Variants in MROH9 observed in about 807,000 individuals in gnomAD.
MROH9 encodes maestro heat like repeat family member 9.
Under a neutral mutation model 98.2 loss-of-function variants are expected in MROH9, and 92 were observed. That is an observed-to-expected ratio of 0.94 (90% CI 0.79 to 1.11). MROH9 has a LOEUF of 1.11. Ranked by LOEUF, MROH9 falls within the 50% of genes most tolerant of loss-of-function variation. The probability of loss-of-function intolerance (pLI) is 0.00; values close to 1 mark genes in which losing one functional copy is unlikely to be tolerated. For synonymous variants in MROH9, 397 were observed against 368.9 expected (o/e 1.08, Z -0.87); for missense variants, 1,057 against 1,014.8 (o/e 1.04, Z -0.57).
intron 3 of MROH9, among the ~76,000 whole-genome samples, chr1:170,954,987 C>T (rs1019669071): frequency 2.6e-5 from 4 of 151,978 alleles, no homozygotes; most frequent in African/African-American, 7.2e-5. Context: ...TCCAAGTCCC[C>T]GAAGTCCATT....
intron 15 of MROH9, among the ~76,000 whole-genome samples, chr1:171,005,792 A>C (rs1651934493): frequency 6.6e-6 from 1 of 152,180 alleles, no homozygotes. Flanking sequence ...CCAGGACTTA[A>C]AGTACTAGGA....
chr1:170,992,476 A>C (rs767012203), intron 12 of MROH9, 147 bp downstream of exon 12: 37 of 796,682 alleles, frequency 4.6e-5, no homozygotes, highest in African/African-American at 7.0e-5. Context: ...TTGAGTGTCT[A>C]TTATTTGCTA....
intron 20 of MROH9, among the ~76,000 whole-genome samples, chr1:171,059,587 C>T (rs1484384709): frequency 6.6e-6 from 1 of 152,134 alleles, no homozygotes; most frequent in Non-Finnish European, 1.5e-5. Flanking sequence ...GACACATGCA[C>T]ACCTATGTCT....
At chr1:171,052,219 C>A (rs116659507) in intron 20 of MROH9, among the ~76,000 whole-genome samples, 2 of 152,104 alleles carry the variant, frequency 1.3e-5, no homozygotes, top group Non-Finnish European at 2.9e-5. Flanking sequence ...TGTATTCCTG[C>A]GGAATCAGTT....
Position 171,020,990 on chromosome 1 carries a change from T to C in MROH9, c.1909-3405T>C, listed in dbSNP as rs866053685. Among the ~76,000 whole-genome samples the C allele has an allele frequency of 5.3e-5, 8 of 152,248 alleles. No homozygotes were observed. In the South Asian group the frequency reaches 1.5e-3, roughly 28 times the overall value. On this transcript the variant is annotated intron_variant, in intron 17 of 21. Coordinates refer to ENST00000367759, the MANE Select transcript of MROH9 (RefSeq NM_001163629.2). ...AATAGACAAGCAGAGAGCCAAATCA[T>C]GAATGAACACTCATTCGCAATTGCT... is the stretch of plus-strand genomic sequence containing the variant.
intron 3 of MROH9, among the ~76,000 whole-genome samples, chr1:170,950,557 A>G (rs1484173632): frequency 1.3e-5 from 2 of 152,138 alleles, no homozygotes; most frequent in African/African-American, 2.4e-5. Context: ...GAGAATGCAC[A>G]GGAAAGCAGT....
chr1:170,998,423 G>C, intron 15 of MROH9, 149 bp downstream of exon 15: 1 of 1,593,444 alleles, frequency 6.3e-7, no homozygotes, highest in Non-Finnish European at 8.5e-7. Flanking sequence ...GTCGGATGGG[G>C]AGAGGTGTGG....
At chr1:170,957,154 G>A (rs1649796643) in intron 3 of MROH9, among the ~76,000 whole-genome samples, 1 of 151,296 alleles carries the variant, frequency 6.6e-6, no homozygotes, top group South Asian at 2.1e-4. Context: ...TCTCTTTGCT[G>A]TGCAGAAGCT....
At chr1:171,021,979 G>A (rs1652535359) in intron 17 of MROH9, among the ~76,000 whole-genome samples, 1 of 151,610 alleles carries the variant, frequency 6.6e-6, no homozygotes, top group African/African-American at 2.4e-5. Flanking sequence ...CATTTACATG[G>A]CCAACAAACA....
intron 12 of MROH9, among the ~76,000 whole-genome samples, chr1:170,993,992 G>T (rs1651461194): frequency 6.6e-6 from 1 of 152,102 alleles, no homozygotes; most frequent in Non-Finnish European, 1.5e-5. Flanking sequence ...AAGACTTTTA[G>T]AGGGTTCTAA....
chr1:170,948,749 A>T (rs1430754435), intron 3 of MROH9, among the ~76,000 whole-genome samples: 1 of 152,108 alleles, frequency 6.6e-6, no homozygotes, highest in Non-Finnish European at 1.5e-5. Flanking sequence ...GGACATTCAA[A>T]TATGACTTTG....
At chr1:170,955,658 A>T (rs1332638604) in intron 3 of MROH9, among the ~76,000 whole-genome samples, 2 of 151,784 alleles carry the variant, frequency 1.3e-5, no homozygotes, top group Admixed American at 6.6e-5. Context: ...CCACTTTTTG[A>T]TAAGATTGTT....
chr1:171,050,244 T>C (rs1653621968), intron 20 of MROH9, among the ~76,000 whole-genome samples: 1 of 152,164 alleles, frequency 6.6e-6, no homozygotes, highest in African/African-American at 2.4e-5. Context: ...ATTTTTCTTT[T>C]ATAATTTTAT....
At chr1:170,941,886 C>A (rs184719281) in intron 1 of MROH9, among the ~76,000 whole-genome samples, 211 of 152,264 alleles carry the variant, frequency 1.4e-3, no homozygotes, top group African/African-American at 4.9e-3. Context: ...GCTTTTGAAT[C>A]CCTTTTCTAC....
chr1:171,031,783 T>C (rs533975890), intron 20 of MROH9, among the ~76,000 whole-genome samples: 65 of 152,296 alleles, frequency 4.3e-4, no homozygotes, highest in African/African-American at 1.5e-3. Context: ...TGGAGTATCT[T>C]AGTGGTGTTC....
chr1:171,056,621 G>A (rs955935360), intron 20 of MROH9, among the ~76,000 whole-genome samples: 1 of 152,122 alleles, frequency 6.6e-6, no homozygotes, highest in Non-Finnish European at 1.5e-5. Flanking sequence ...CCTGCACCAA[G>A]GGTCAGTCAA....
intron 8 of MROH9, among the ~76,000 whole-genome samples, chr1:170,975,738 T>G (rs1170506298): frequency 6.6e-6 from 1 of 152,160 alleles, no homozygotes; most frequent in Non-Finnish European, 1.5e-5. Context: ...CCCACTATTA[T>G]TGTGTGGGAT....
chr1:170,973,310 G>A (rs988926362), intron 8 of MROH9, among the ~76,000 whole-genome samples: 69 of 152,128 alleles, frequency 4.5e-4, no homozygotes, highest in Non-Finnish European at 8.1e-4. Context: ...TAGTGATAAT[G>A]CCTGTGCCTG....
intron 13 of MROH9, 58 bp from the exon 14 acceptor site, chr1:170,996,449 A>G (rs1651568205): frequency 6.3e-7 from 1 of 1,589,828 alleles, no homozygotes; most frequent in East Asian, 2.2e-5. Flanking sequence ...GGTAATGTGT[A>G]TTTAGTTTTT....
Sources: gnomAD v4.1 joint callset for allele counts (sites outside exome capture counted in the v4.1 genomes callset) on GRCh38, gnomAD v4.1.1 for gene constraint, MANE v1.5 for transcripts, NCBI Gene and HGNC (gene_info 2026-07-23, HGNC 2026-07-21) for gene names.